The following EPHX2 variants were observed in gnomAD, a reference collection of about 807,000 sequenced individuals.
EPHX2 encodes epoxide hydrolase 2.
Under a neutral mutation model 78.7 loss-of-function variants are expected in EPHX2, and 74 were observed. The ratio of observed to expected loss-of-function variants is 0.94; its 90% CI spans 0.78 to 1.14. The LOEUF is 1.14. Among genes scored for constraint, EPHX2 ranks in the 50% most tolerant of loss-of-function variants. The pLI, the probability that EPHX2 is intolerant of heterozygous loss-of-function variation, is 0.00. For missense variants in EPHX2, 715 were observed against 702.5 expected, an observed-to-expected ratio of 1.02 and a Z score of -0.20; for synonymous variants, 251 against 255.2, an observed-to-expected ratio of 0.98 and a Z score of 0.16.
chr8:27,525,115 C>T (rs925506834), intron 11 of EPHX2, among the ~76,000 whole-genome samples: 50 of 149,378 alleles, frequency 3.3e-4, no homozygotes, highest in African/African-American at 4.9e-4. Flanking sequence ...TGTGCGCGCG[C>T]GCGCGCGCAC....
rs1453279940 is a variant in EPHX2, at chr8:27,544,908, A to T, written c.*386A>T. On this transcript the variant is annotated 3_prime_UTR_variant, in exon 19 of 19. Transcript: ENST00000521400. ...TTGGGATGCCTTACTCAATAAAGCT[A>T]AGATGACTATGCTGCTGGCTGTCTT... The T allele has an allele frequency of 4.5e-6, 1 of 223,102 alleles. No individual in the cohort carries two copies. Among genetic ancestry groups the T allele is most frequent in the Non-Finnish European group, 8.9e-6 (1 of 112,170 alleles). The allele number at this position is 223,102 out of a possible 1,614,324, so 13.8% of individuals were successfully genotyped here. A position where few individuals can be genotyped will look rare whatever the true frequency, so the allele number is the denominator to read the frequency against.
Position 27,545,562 on chromosome 8 carries a change from C to T in EPHX2, c.*1040C>T, listed in dbSNP as rs1258509195. 4 of 152,010 alleles carry T rather than the reference C, an allele frequency of 2.6e-5. No individual in the cohort carries two copies. Among genetic ancestry groups the T allele is most frequent in the Non-Finnish European group, 2.9e-5 (2 of 68,038 alleles). The allele number at this position is 152,010 out of a possible 1,614,324, so 9.4% of individuals were successfully genotyped here. A position where few individuals can be genotyped will look rare whatever the true frequency, so the allele number is the denominator to read the frequency against. ...GCCCCATCACCCTCCAATTCCTAAC[C>T]GCCCTCCAGCAGCACACTTGCAGGT... On this transcript the variant is annotated 3_prime_UTR_variant, in exon 19 of 19. Coordinates refer to ENST00000521400, the MANE Select transcript of EPHX2 (RefSeq NM_001979.6).
Position 27,522,500 on chromosome 8 carries a change from G to A in EPHX2, c.1050G>A (p.Glu350=). Residue 350 remains glutamate, a synonymous_variant, in exon 11 of 19, where the codon GAG becomes GAA. Coordinates refer to ENST00000521400, the MANE Select transcript of EPHX2 (RefSeq NM_001979.6). ...GGTACATGGCTCTCTTCTACCCCGA[G>A]AGAGTGAGGTAATTGGGCCTCGGGC... ...LVWYMALFYP[E]RVRAVASLNT... is the part of the protein sequence containing the mutation. 6.2e-7 allele frequency: 1 copy of A among 1,614,040 alleles called. No homozygotes were observed. The highest frequency in any genetic ancestry group is 1.7e-5 in the Admixed American group (1 of 60,014).
At chr8:27,535,669 T>C (rs533584634) in intron 12 of EPHX2, among the ~76,000 whole-genome samples, 1 of 152,098 alleles carries the variant, frequency 6.6e-6, no homozygotes, top group African/African-American at 2.4e-5. Context: ...GAGAGTAGGA[T>C]CCATGGATGG....
chr8:27,540,485 A>G lies in EPHX2; in HGVS notation c.1277-69A>G, dbSNP rs1012016730. 5 of 1,370,416 alleles carry G rather than the reference A, an allele frequency of 3.6e-6. No homozygotes were observed. The East Asian group carries it at 1.1e-4, about 31-fold the overall frequency. The allele number at this position is 1,370,416 out of a possible 1,614,324, so 84.9% of individuals were successfully genotyped here. On this transcript the variant is annotated intron_variant, in intron 14 of 18. Transcript: ENST00000521400. ...TTCAGATGGTCTGCGAGAGGCAATG[A>G]GGTCCCCACCTTAAAATGCAGACAC...
intron 12 of EPHX2, among the ~76,000 whole-genome samples, chr8:27,526,376 G>T (rs1459702240): frequency 6.6e-6 from 1 of 152,210 alleles, no homozygotes. Flanking sequence ...AAGAGACCTC[G>T]ACATGTCGCA....
At chr8:27,508,442 C>T (rs1037903345) in intron 5 of EPHX2, among the ~76,000 whole-genome samples, 3 of 152,124 alleles carry the variant, frequency 2.0e-5, no homozygotes, top group Middle Eastern at 3.2e-3. Flanking sequence ...ACTCCATAAC[C>T]TTAAAGCATC....
intron 9 of EPHX2, among the ~76,000 whole-genome samples, chr8:27,520,325 C>T (rs1814602858): frequency 6.6e-6 from 1 of 151,626 alleles, no homozygotes; most frequent in Non-Finnish European, 1.5e-5. Context: ...GCCACCGTGC[C>T]CAGCTAATTT....
chr8:27,544,351 C>T, intron 18 of EPHX2, 93 bp from the exon 19 acceptor site: 22 of 1,589,518 alleles, frequency 1.4e-5, no homozygotes, highest in Non-Finnish European at 1.9e-5. Context: ...GGCTTAGCCA[C>T]TCATGTCACT....
At chr8:27,523,135 T>C (rs575857882) in intron 11 of EPHX2, among the ~76,000 whole-genome samples, 25 of 152,268 alleles carry the variant, frequency 1.6e-4, no homozygotes, top group African/African-American at 6.0e-4. Context: ...AGGTGTGTCT[T>C]CAGTCCTGGA....
intron 12 of EPHX2, among the ~76,000 whole-genome samples, chr8:27,527,409 C>A (rs1182639721): frequency 6.6e-6 from 1 of 152,150 alleles, no homozygotes; most frequent in Non-Finnish European, 1.5e-5. Flanking sequence ...GTAAAATTGA[C>A]CATGTCACCT....
At chr8:27,505,922 A>G (rs6981572) in intron 4 of EPHX2, among the ~76,000 whole-genome samples, 184 of 152,270 alleles carry the variant, frequency 1.2e-3, no homozygotes, top group African/African-American at 4.3e-3. Flanking sequence ...TGGTAAATGC[A>G]TGCACCCATG....
chr8:27,543,549 A>T (rs1016431268), intron 16 of EPHX2, among the ~76,000 whole-genome samples, 200 bp from the exon 17 acceptor site: 1 of 152,146 alleles, frequency 6.6e-6, no homozygotes, highest in Non-Finnish European at 1.5e-5. Flanking sequence ...ACATCTGCAC[A>T]CATAAGACCC....
chr8:27,538,465 GGGGGTCCCTGGCTCTCTT>G (rs1316874814), intron 13 of EPHX2, among the ~76,000 whole-genome samples, 176 bp from the exon 14 acceptor site: 1 of 152,200 alleles, frequency 6.6e-6, no homozygotes, highest in Non-Finnish European at 1.5e-5. Context: ...ACTTCTGTGA[GGGGGTCCCTGGCTCTCTT>G]GGGAGTTCCA....
intron 12 of EPHX2, among the ~76,000 whole-genome samples, chr8:27,536,248 A>C (rs1815206296): frequency 6.6e-6 from 1 of 152,146 alleles, no homozygotes; most frequent in African/African-American, 2.4e-5. Context: ...TTGATTTTGA[A>C]GTTTCTACAG....
At position 27,516,321 on chromosome 8, in the gene EPHX2, T is replaced by A; in HGVS notation, c.833T>A (p.Ile278Asn). Residue 278 changes from isoleucine to asparagine, a missense_variant and splice_region_variant, in exon 8 of 19, where the codon ATC becomes AAC. By Grantham distance (149) the Ile-to-Asn change is moderately radical (BLOSUM62 -3). Transcript: ENST00000521400. Reference protein sequence around the residue: ...PESWYSWRYQIPALAQAGYRV... With the variant: ...PESWYSWRYQNPALAQAGYRV... ...GGAGTGTGCCTGTTTGTTTTCTAGA[T>A]CCCTGCTCTGGCCCAGGCAGGTTAC... 6.2e-7 allele frequency: 1 copy of A among 1,613,732 alleles called. No individual in the cohort carries two copies. The highest frequency in any genetic ancestry group is 8.5e-7 in the Non-Finnish European group (1 of 1,179,790).
At chr8:27,539,971 C>A (rs1393918302) in intron 14 of EPHX2, among the ~76,000 whole-genome samples, 1 of 152,130 alleles carries the variant, frequency 6.6e-6, no homozygotes, top group Non-Finnish European at 1.5e-5. Flanking sequence ...CCTGGGCTGC[C>A]AGGGGTCATC....
rs749459685 is a variant in EPHX2 at position 27,525,429 on chromosome 8, A to G, written c.1126A>G (p.Lys376Glu). Residue 376 changes from lysine to glutamate, a missense_variant, in exon 12 of 19, where the codon AAA becomes GAA. Transcript: ENST00000521400. The part of the protein sequence containing the change: ...NPNMSPLESI[K>E]ANPVFDYQLY... ...CAACATGTCCCCTTTGGAGAGTATC[A>G]AAGCCAACCCAGTATTTGATTACCA... 16 of 1,614,044 alleles carry G rather than the reference A, an allele frequency of 9.9e-6. No individual in the cohort carries two copies. The highest frequency in any genetic ancestry group is 1.4e-5 in the Non-Finnish European group (16 of 1,180,044).
Position 27,501,339 on chromosome 8 carries a change from C to CT in EPHX2, c.186+331dup, listed in dbSNP as rs201230667. The stretch of plus-strand genomic sequence containing the variant: ...TGCTATATATTTTCTTCTTCTTCTT[C>CT]TTCTTCTTCTTCTTCTTCTTCTTCT... On this transcript the variant is annotated intron_variant, in intron 2 of 18. Coordinates refer to ENST00000521400, the MANE Select transcript of EPHX2 (RefSeq NM_001979.6). Among the ~76,000 whole-genome samples the CT allele has an allele frequency of 7.1e-3, 776 of 108,966 alleles. 8 individuals are homozygous for CT. The highest frequency in any genetic ancestry group is 0.028 in the African/African-American group (737 of 25,954). 71.5% of individuals were successfully genotyped at this position (108,966 alleles called of 152,430 possible).
Sources: gnomAD v4.1 joint callset for allele counts (sites outside exome capture counted in the v4.1 genomes callset) on GRCh38, gnomAD v4.1.1 for gene constraint, MANE v1.5 for transcripts, NCBI Gene and HGNC (gene_info 2026-07-23, HGNC 2026-07-21) for gene names.